MYT1: variants seen among roughly 807,000 people sequenced by gnomAD.
MYT1 encodes myelin transcription factor 1, also known as myelin transcription factor I.
A neutral mutation model predicts 123.0 loss-of-function variants in MYT1; 23 were observed. The observed-to-expected ratio is 0.19, with a 90% CI of 0.13 to 0.26. The LOEUF is 0.26. MYT1 is among the 10% of genes least tolerant of loss of function. The probability of loss-of-function intolerance (pLI) is 1.00; values close to 1 mark genes in which losing one functional copy is unlikely to be tolerated. For missense variants in MYT1, 1,125 were observed against 1,472.5 expected, an observed-to-expected ratio of 0.76 and a Z score of 3.86; for synonymous variants, 518 against 575.3, an observed-to-expected ratio of 0.90 and a Z score of 1.43.
intron 1 of MYT1, among the ~76,000 whole-genome samples, chr20:64,171,120 T>C (rs1982266901): frequency 6.6e-6 from 1 of 151,424 alleles, no homozygotes; most frequent in Non-Finnish European, 1.5e-5. Flanking sequence ...GGTTTTGCCA[T>C]GTTGGCGAGG....
chr20:64,239,338 G>A (rs1003929277), intron 21 of MYT1, among the ~76,000 whole-genome samples: 2 of 152,162 alleles, frequency 1.3e-5, no homozygotes, highest in Admixed American at 1.3e-4. Flanking sequence ...ATAGAAGCAG[G>A]AAACATGGTG....
chr20:64,235,689 G>C (rs868805488), intron 19 of MYT1, among the ~76,000 whole-genome samples: 21 of 88,828 alleles, frequency 2.4e-4, no homozygotes, highest in East Asian at 6.6e-4. Flanking sequence ...CTGGGCTGGT[G>C]GTGGTGGGTG....
At position 64,236,616 on chromosome 20, in the gene MYT1, G is replaced by T; in HGVS notation, c.2959G>T (p.Val987Phe). 9 of 1,613,742 alleles carry T rather than the reference G, an allele frequency of 5.6e-6. No individual in the cohort carries two copies. Among genetic ancestry groups the T allele is most frequent in the Non-Finnish European group, 7.6e-6 (9 of 1,179,852 alleles). ...GKKGKLSGDEVLSPKFKTSDV... is the reference protein window; with the variant it reads ...GKKGKLSGDEFLSPKFKTSDV... ...GAAGGGAAAACTGTCAGGGGATGAGGTCCTCAGTCCAAAGTTCAAGACTAG... is the reference window on the plus strand; with the variant it reads ...GAAGGGAAAACTGTCAGGGGATGAGTTCCTCAGTCCAAAGTTCAAGACTAG... Residue 987 changes from valine (V) to phenylalanine (F), a missense_variant, in exon 20 of 23, where the codon GTC becomes TTC. Val to Phe is a conservative substitution (Grantham distance 50). Around this residue, in one of 4 missense-constraint regions of MYT1, gnomAD observed 243 missense variants for 323.1 expected, o/e 0.75. Coordinates refer to ENST00000328439, the MANE Select transcript of MYT1 (RefSeq NM_004535.3).
chr20:64,226,266 C>T lies in MYT1; in HGVS notation c.2529-1149C>T, dbSNP rs138696098. Among the ~76,000 whole-genome samples the T allele has an allele frequency of 2.4e-4, 36 of 152,358 alleles. 1 individual carries two copies. The highest frequency in any genetic ancestry group is 1.7e-3 in the Admixed American group (26 of 15,310). On this transcript the variant is annotated intron_variant, in intron 16 of 22. Coordinates refer to ENST00000328439, the MANE Select transcript of MYT1 (RefSeq NM_004535.3). ...GCACCCCAAAAAAACTCCTAGGGGC[C>T]GAAGAGAAGGTTGCAAGAGGTGGGG...
In MYT1 at chr20:64,166,957, T is replaced by C. The variant is rs976257863; in HGVS notation, c.-99+2218T>C. 6.6e-6 allele frequency among the ~76,000 whole-genome samples: 1 copy of C among 151,974 alleles called. No individual in the cohort carries two copies. The highest frequency in any genetic ancestry group is 1.9e-4 in the East Asian group (1 of 5,172). On this transcript the variant is annotated intron_variant, in intron 1 of 22. Coordinates refer to ENST00000328439, the MANE Select transcript of MYT1 (RefSeq NM_004535.3). This position sits in a 1 kb window ranked among gnomAD's most constrained non-coding sequence, Gnocchi z 4.9. ...GCTTGGCCTGTCCCTGCTGTGGATG[T>C]GGTGGGCGCTCTCCCTGGTGCTGCT...
intron 1 of MYT1, among the ~76,000 whole-genome samples, chr20:64,173,290 C>G (rs879611565): frequency 6.6e-6 from 1 of 152,122 alleles, no homozygotes; most frequent in Admixed American, 6.5e-5. Flanking sequence ...AAGCAGCCCT[C>G]GGAGGCAGCA....
intron 21 of MYT1, among the ~76,000 whole-genome samples, chr20:64,238,777 C>A (rs1468902692): frequency 6.6e-6 from 1 of 152,180 alleles, no homozygotes; most frequent in Admixed American, 6.5e-5. Flanking sequence ...CCTCTGATTT[C>A]TTTTTATTTG....
chr20:64,207,914 C>T lies in MYT1; in HGVS notation c.718C>T (p.Leu240=), dbSNP rs760945769. The T allele has an allele frequency of 1.2e-6, 2 of 1,612,432 alleles. No individual in the cohort carries two copies. Among genetic ancestry groups the T allele is most frequent in the Non-Finnish European group, 1.7e-6 (2 of 1,179,544 alleles). The part of the protein sequence containing the change: ...ERSQDLCPQS[L]EDAASEESSK... ...CTCCCAGGACCTGTGTCCCCAGTCC[C>T]TGGAGGATGCAGCCAGTGAGGAGTC... The change falls in exon 7 of 23, where the codon CTG becomes TTG. Residue 240 remains leucine, a synonymous_variant. Coordinates refer to ENST00000328439, the MANE Select transcript of MYT1 (RefSeq NM_004535.3).
At chr20:64,201,573 G>A (rs976044054) in intron 4 of MYT1, among the ~76,000 whole-genome samples, 1 of 152,242 alleles carries the variant, frequency 6.6e-6, no homozygotes, top group Non-Finnish European at 1.5e-5. Flanking sequence ...TCAAACATCT[G>A]TTGGCCACAC....
chr20:64,217,778 C>T (rs1006491073), intron 11 of MYT1, among the ~76,000 whole-genome samples: 2 of 152,252 alleles, frequency 1.3e-5, no homozygotes, highest in South Asian at 2.1e-4. Flanking sequence ...CCATTGCTCT[C>T]CTGGTGGGGA....
At chr20:64,210,159 G>C (rs1983623989) in intron 7 of MYT1, among the ~76,000 whole-genome samples, 1 of 152,158 alleles carries the variant, frequency 6.6e-6, no homozygotes, top group Admixed American at 6.5e-5. Context: ...CAGACCTGTG[G>C]GACAGACATA....
chr20:64,187,484 C>A (rs1216740613), intron 1 of MYT1, among the ~76,000 whole-genome samples: 1 of 150,904 alleles, frequency 6.6e-6, no homozygotes, highest in Admixed American at 6.6e-5. Flanking sequence ...TTCCTGTAGC[C>A]TGTGGCCCCG....
chr20:64,240,249 T>C, intron 22 of MYT1, 71 bp from the exon 23 acceptor site: 1 of 1,570,144 alleles, frequency 6.4e-7, no homozygotes, highest in African/African-American at 1.3e-5. Flanking sequence ...GGTTTGATGC[T>C]CCCACATCAG....
At position 64,232,067 on chromosome 20, in the gene MYT1, C is replaced by G; in HGVS notation, c.2676-97C>G. ...CTCACTCAGAAGCCCTTTAACGGCT[C>G]TGAGTTGGGCTCCCCTTGTGTCTGG... On this transcript the variant is annotated intron_variant, in intron 18 of 22. Transcript: ENST00000328439. This position sits in a 1 kb window ranked among gnomAD's most constrained non-coding sequence, Gnocchi z 6.9. The G allele has an allele frequency of 7.8e-7, 1 of 1,275,870 alleles. No individual in the cohort carries two copies. Among genetic ancestry groups the G allele is most frequent in the East Asian group, 2.4e-5 (1 of 41,230 alleles). The allele number at this position is 1,275,870 out of a possible 1,614,324, so 79.0% of individuals were successfully genotyped here.
At chr20:64,183,740 T>TAC (rs1267901351) in intron 1 of MYT1, among the ~76,000 whole-genome samples, 1 of 152,230 alleles carries the variant, frequency 6.6e-6, no homozygotes, top group Non-Finnish European at 1.5e-5. Context: ...TTTTTCCAAA[T>TAC]ACAAGCTCTT....
intron 13 of MYT1, among the ~76,000 whole-genome samples, chr20:64,220,203 C>T (rs1377019151): frequency 2.6e-5 from 4 of 152,210 alleles, no homozygotes; most frequent in African/African-American, 7.2e-5. Flanking sequence ...TCATGCTGTG[C>T]CCTTGTCTGT....
intron 19 of MYT1, among the ~76,000 whole-genome samples, chr20:64,235,713 C>G (rs1269709604): frequency 8.1e-6 from 1 of 123,188 alleles, no homozygotes; most frequent in Non-Finnish European, 1.6e-5. Flanking sequence ...CTTGGCTGGC[C>G]GTGGTGGGTG....
intron 2 of MYT1, among the ~76,000 whole-genome samples, chr20:64,194,181 G>A (rs1983041063): frequency 6.6e-6 from 1 of 152,208 alleles, no homozygotes; most frequent in African/African-American, 2.4e-5. Context: ...ATGAATGAAT[G>A]AGCTCATTTC....
In MYT1 at chr20:64,191,266, C is replaced by G. The variant is rs1393176314; in HGVS notation, c.-1+1106C>G. 1.3e-5 allele frequency among the ~76,000 whole-genome samples: 2 copies of G among 152,154 alleles called. No individual in the cohort carries two copies. The highest frequency in any genetic ancestry group is 2.9e-5 in the Non-Finnish European group (2 of 68,030). On this transcript the variant is annotated intron_variant, in intron 2 of 22. Coordinates refer to ENST00000328439, the MANE Select transcript of MYT1 (RefSeq NM_004535.3). This position sits in a 1 kb window ranked among gnomAD's most constrained non-coding sequence, Gnocchi z 4.1. ...CTTCCCAGGGTATAAGATCTCCCTT[C>G]GGGGACACTCCCGAACTGTGACATC... is the stretch of plus-strand genomic sequence containing the variant.
Sources: gnomAD v4.1 joint callset for allele counts (sites outside exome capture counted in the v4.1 genomes callset) on GRCh38, gnomAD v4.1.1 for gene constraint, gnomAD v4.1.1 regional missense constraint, Gnocchi (gnomAD v3.1) non-coding constraint, MANE v1.5 for transcripts, NCBI Gene and HGNC (gene_info 2026-07-23, HGNC 2026-07-21) for gene names.